Variants in SAFB2 observed in about 807,000 individuals in gnomAD.
SAFB2 encodes scaffold attachment factor B2.
Under a neutral mutation model 100.6 loss-of-function variants are expected in SAFB2, and 32 were observed. The observed-to-expected ratio is 0.32, with a 90% CI of 0.24 to 0.43. The LOEUF is 0.43. SAFB2 is among the 20% of genes least tolerant of loss of function. The pLI is 1.00. For synonymous variants in SAFB2, 500 were observed against 439.4 expected, an observed-to-expected ratio of 1.14 and a Z score of -1.72; for missense variants, 1,185 against 1,163.4, an observed-to-expected ratio of 1.02 and a Z score of -0.27.
intron 15 of SAFB2, 127 bp downstream of exon 15, chr19:5,593,764 G>C (rs2052468854): frequency 2.9e-6 from 3 of 1,047,282 alleles, no homozygotes; most frequent in Non-Finnish European, 3.9e-6. Context: ...TCCCCAAGGC[G>C]CATGCTCCAT....
chr19:5,592,200 T>C (rs1428726696), intron 16 of SAFB2, among the ~76,000 whole-genome samples: 1 of 152,116 alleles, frequency 6.6e-6, no homozygotes, highest in Non-Finnish European at 1.5e-5. Context: ...CGCTCTGACA[T>C]TCCGACTGAA....
intron 13 of SAFB2, among the ~76,000 whole-genome samples, chr19:5,598,258 C>T (rs542413390): frequency 6.6e-6 from 1 of 152,198 alleles, no homozygotes; most frequent in African/African-American, 2.4e-5. Flanking sequence ...GAACCTGCAG[C>T]TGGGAAGCAG....
Position 5,587,456 on chromosome 19 carries a change from A to C in SAFB2, c.2706-57T>G. ...TTGAAGTGCTCAGCGTTTTCATCGT[A>C]ACATGGGTTCAGTAACGGTCCCGCA... On this transcript the variant is annotated intron_variant, in intron 20 of 20. Coordinates refer to ENST00000252542, the MANE Select transcript of SAFB2 (RefSeq NM_014649.3). This position sits in a 1 kb window ranked among gnomAD's most constrained non-coding sequence, Gnocchi z 4.9. The C allele has an allele frequency of 3.2e-6, 5 of 1,551,702 alleles. No homozygotes were observed. The highest frequency in any genetic ancestry group is 4.4e-6 in the Non-Finnish European group (5 of 1,144,608).
chr19:5,596,060 C>T (rs1236718900), intron 13 of SAFB2, among the ~76,000 whole-genome samples: 2 of 152,126 alleles, frequency 1.3e-5, no homozygotes, highest in Admixed American at 6.5e-5. Context: ...ATCAGGAGTT[C>T]GAGACCAGCC....
At position 5,587,454 on chromosome 19, in the gene SAFB2, G is replaced by A. The variant is rs377226111; in HGVS notation, c.2706-55C>T. ...CCTTGAAGTGCTCAGCGTTTTCATC[G>A]TAACATGGGTTCAGTAACGGTCCCG... On this transcript the variant is annotated intron_variant, in intron 20 of 20. Transcript: ENST00000252542. The surrounding 1 kb of genome is among the most constrained non-coding windows in gnomAD (Gnocchi z 4.9). The A allele has an allele frequency of 8.4e-6, 13 of 1,552,062 alleles. No homozygotes were observed. The highest frequency in any genetic ancestry group is 4.7e-5 in the South Asian group (4 of 84,634).
chr19:5,616,094 G>T, intron 4 of SAFB2, 38 bp downstream of exon 4: 1 of 1,601,420 alleles, frequency 6.2e-7, no homozygotes, highest in East Asian at 2.2e-5. Flanking sequence ...GTGCCTCGGG[G>T]CTATGGGCAC....
intron 2 of SAFB2, among the ~76,000 whole-genome samples, chr19:5,619,055 G>A (rs1302587163): frequency 6.6e-6 from 1 of 152,206 alleles, no homozygotes; most frequent in African/African-American, 2.4e-5. Context: ...TTCCCAGAAT[G>A]AGTCCAACTT....
chr19:5,614,191 G>A (rs2052973573), intron 4 of SAFB2, among the ~76,000 whole-genome samples: 1 of 152,158 alleles, frequency 6.6e-6, no homozygotes, highest in Non-Finnish European at 1.5e-5. Flanking sequence ...GACCTCAGGT[G>A]ATCCGCCCAC....
rs1163176210 is a variant in SAFB2, at chr19:5,604,913, C to T, written c.1320G>A (p.Thr440=). 6 of 1,613,452 alleles carry T rather than the reference C, an allele frequency of 3.7e-6. No homozygotes were observed. Among genetic ancestry groups the T allele is most frequent in the South Asian group, 2.2e-5 (2 of 91,054 alleles). The part of the protein sequence containing the change: ...YGKVVGAKVV[T]NARSPGARCY... Reference sequence around the variant, plus strand: ...ATCGAGCCCCCGGGCTGCGGGCGTTCGTTACCACTTTGGCCCCGACAACCT... The same window carrying T: ...ATCGAGCCCCCGGGCTGCGGGCGTTTGTTACCACTTTGGCCCCGACAACCT... The change falls in exon 10 of 21, where the codon ACG becomes ACA. Residue 440 remains threonine, a synonymous_variant. Transcript: ENST00000252542.
intron 13 of SAFB2, among the ~76,000 whole-genome samples, chr19:5,596,181 T>G (rs570637953): frequency 2.0e-5 from 3 of 152,312 alleles, no homozygotes; most frequent in Admixed American, 6.5e-5. Context: ...AAGAATCGCT[T>G]GAACCTGGGA....
chr19:5,614,148 G>A (rs933631740), intron 4 of SAFB2, among the ~76,000 whole-genome samples: 3 of 152,102 alleles, frequency 2.0e-5, no homozygotes, highest in Non-Finnish European at 4.4e-5. Context: ...TAGAGACGGG[G>A]TTTCACCATG....
intron 17 of SAFB2, 99 bp downstream of exon 17, chr19:5,591,649 C>T (rs914798708): frequency 3.3e-6 from 4 of 1,200,648 alleles, no homozygotes; most frequent in Non-Finnish European, 4.9e-6. Context: ...ACTTGGTTGC[C>T]ACCTCTCTGG....
At chr19:5,612,812 G>C (rs997142607) in intron 5 of SAFB2, among the ~76,000 whole-genome samples, 4 of 152,184 alleles carry the variant, frequency 2.6e-5, no homozygotes, top group African/African-American at 9.7e-5. Flanking sequence ...TTTGGGCCCT[G>C]CCCTGCCATG....
At chr19:5,612,182 C>T in intron 6 of SAFB2, 1 of 360,742 alleles carries the variant, frequency 2.8e-6, no homozygotes, top group Non-Finnish European at 5.1e-6. Context: ...ACAGCTTTAT[C>T]CTGCCTTAAC....
rs199959668 is a variant in SAFB2 at position 5,616,500 on chromosome 19, A to G, written c.275-14T>C. On this transcript the variant is annotated splice_polypyrimidine_tract_variant and intron_variant, in intron 2 of 20. Transcript: ENST00000252542. ...CCATCTTCAGTCCTAATTACAGAAT[A>G]ATTGTTCAATCAGATAACACTCAAG... The G allele has an allele frequency of 1.2e-6, 2 of 1,608,418 alleles. No individual in the cohort carries two copies. The highest frequency in any genetic ancestry group is 4.5e-5 in the East Asian group (2 of 44,852).
In SAFB2 at chr19:5,594,109, T is replaced by G; in HGVS notation, c.1989A>C (p.Leu663=). 1 of 1,601,326 alleles carries G rather than the reference T, an allele frequency of 6.2e-7. No individual in the cohort carries two copies. Among genetic ancestry groups the G allele is most frequent in the Non-Finnish European group, 8.5e-7 (1 of 1,178,316 alleles). ...ACTCGAGCTGCAGGCGTTCCCGCTG[T>G]AGCCGGGCCTTCTCCTTCCGCTCAT... ...AFHERKEKAR[L]QRERLQLECQ... is the part of the protein sequence containing the mutation. Residue 663 remains leucine (L), a synonymous_variant, in exon 15 of 21, where the codon CTA becomes CTC. Coordinates refer to ENST00000252542, the MANE Select transcript of SAFB2 (RefSeq NM_014649.3).
chr19:5,594,304 C>G lies in SAFB2; in HGVS notation c.1920-126G>C, dbSNP rs576897327. 342 of 1,227,452 alleles carry G rather than the reference C, an allele frequency of 2.8e-4. 5 individuals carry two copies. In the South Asian group the frequency reaches 5.4e-3, roughly 19 times the overall value. 76.0% of individuals were successfully genotyped at this position (1,227,452 alleles called of 1,614,324 possible). A position where few individuals can be genotyped will look rare whatever the true frequency, so the allele number is the denominator to read the frequency against. ...ATGGATCCAAAAGCTCACCGGGCTT[C>G]CCTAAAGCTGCGCGTGCAGGGGGTT... On this transcript the variant is annotated intron_variant, in intron 14 of 20. Transcript: ENST00000252542.
At chr19:5,613,829 A>T (rs1381530435) in intron 4 of SAFB2, 1 of 724,158 alleles carries the variant, frequency 1.4e-6, no homozygotes, top group Non-Finnish European at 1.7e-6. Context: ...ATACCCCTCC[A>T]ATCACAGGAT....
chr19:5,613,056 A>C (rs2145354220), intron 5 of SAFB2, among the ~76,000 whole-genome samples: 1 of 152,358 alleles, frequency 6.6e-6, no homozygotes. Flanking sequence ...AGACTCAGCG[A>C]GGCGGGCCCA....
Sources: allele counts gnomAD v4.1 joint callset (sites outside exome capture counted in the v4.1 genomes callset), GRCh38; gene constraint gnomAD v4.1.1; non-coding constraint Gnocchi (gnomAD v3.1); transcripts MANE v1.5; gene names NCBI Gene and HGNC (gene_info 2026-07-23, HGNC 2026-07-21).